The following HCRTR2 variants were observed in gnomAD, a reference collection of about 807,000 sequenced individuals.
HCRTR2 encodes the protein hypocretin receptor 2.
HCRTR2 carries 22 observed loss-of-function variants against 49.0 expected under a neutral mutation model. The observed-to-expected ratio is 0.45, with a 90% CI of 0.32 to 0.64. HCRTR2 has a LOEUF of 0.64. HCRTR2 is among the 30% of genes least tolerant of loss of function. HCRTR2 has a pLI of 0.04. For missense variants in HCRTR2, 491 were observed against 559.4 expected (o/e 0.88, Z 1.23); for synonymous variants, 236 against 205.3 (o/e 1.15, Z -1.28).
chr6:55,253,896 A>G (rs2127316013), intron 2 of HCRTR2, among the ~76,000 whole-genome samples: 1 of 152,238 alleles, frequency 6.6e-6, no homozygotes, highest in Non-Finnish European at 1.5e-5. Flanking sequence ...GGGTGGGAGA[A>G]GGGAGAGGAT....
At chr6:55,203,373 G>C (rs140385128) in intron 1 of HCRTR2, among the ~76,000 whole-genome samples, 270 of 152,094 alleles carry the variant, frequency 1.8e-3, no homozygotes, top group Middle Eastern at 6.8e-3. Context: ...TAGTTTATTT[G>C]CTTTCTATCT....
At chr6:55,127,204 G>A (rs553349392) in intron 1 of HCRTR2, among the ~76,000 whole-genome samples, 2 of 152,142 alleles carry the variant, frequency 1.3e-5, no homozygotes, top group East Asian at 3.9e-4. Flanking sequence ...TGGTGGGGTA[G>A]GCACCAGAAG....
chr6:55,151,655 T>C (rs994017610), intron 1 of HCRTR2, among the ~76,000 whole-genome samples: 1 of 152,000 alleles, frequency 6.6e-6, no homozygotes, highest in Non-Finnish European at 1.5e-5. Flanking sequence ...ATATTTTGGT[T>C]TCCACCCACG....
intron 1 of HCRTR2, among the ~76,000 whole-genome samples, chr6:55,117,802 A>AAAG (rs1764139204): frequency 6.6e-6 from 1 of 150,742 alleles, no homozygotes; most frequent in Non-Finnish European, 1.5e-5. Context: ...AAAAAAAAAA[A>AAAG]AAGGGAACTG....
Position 55,282,308 on chromosome 6 carries a change from G to A in HCRTR2, c.1189G>A (p.Gly397Arg), listed in dbSNP as rs748396643. Residue 397 changes from glycine (G) to arginine (R), a missense_variant, in exon 7 of 7, where the codon GGA becomes AGA. By Grantham distance (125) the Gly-to-Arg change is moderately radical (BLOSUM62 -2). Transcript: ENST00000370862. Reference sequence around the variant, plus strand: ...TCGCCAGGAGGATCGGCTCACCAGGGGACGAACTAGCACAGAGAGCCGGAA... The same window carrying A: ...TCGCCAGGAGGATCGGCTCACCAGGAGACGAACTAGCACAGAGAGCCGGAA... ...HHRQEDRLTR[G>R]RTSTESRKSL... 4 of 1,613,646 alleles carry A rather than the reference G, an allele frequency of 2.5e-6. No individual in the cohort carries two copies. Among genetic ancestry groups the A allele is most frequent in the Non-Finnish European group, 3.4e-6 (4 of 1,179,888 alleles).
chr6:55,276,403 A>G (rs1767077675), intron 4 of HCRTR2, among the ~76,000 whole-genome samples: 1 of 152,214 alleles, frequency 6.6e-6, no homozygotes, highest in Non-Finnish European at 1.5e-5. Flanking sequence ...AATCTATCGA[A>G]CATCTATTCT....
chr6:55,193,411 G>A (rs551776467), intron 1 of HCRTR2, among the ~76,000 whole-genome samples: 5 of 152,230 alleles, frequency 3.3e-5, no homozygotes, highest in South Asian at 4.1e-4. Flanking sequence ...AGAAAAAGCC[G>A]ACAGTGTTGC....
chr6:55,238,676 GGA>G (rs1766261522), intron 1 of HCRTR2, among the ~76,000 whole-genome samples: 1 of 152,120 alleles, frequency 6.6e-6, no homozygotes, highest in Non-Finnish European at 1.5e-5. Context: ...ATGCAAAGTA[GGA>G]GAGAGAGCCA....
chr6:55,193,140 A>G (rs1765349832), intron 1 of HCRTR2, among the ~76,000 whole-genome samples: 1 of 152,196 alleles, frequency 6.6e-6, no homozygotes, highest in Non-Finnish European at 1.5e-5. Flanking sequence ...AAAGTCTATT[A>G]ATTGGCAAGC....
chr6:55,225,215 G>A (rs1028984286), intron 1 of HCRTR2, among the ~76,000 whole-genome samples: 1 of 152,046 alleles, frequency 6.6e-6, no homozygotes, highest in African/African-American at 2.4e-5. Flanking sequence ...TATTTATAGT[G>A]TTTATTATTG....
At chr6:55,253,032 G>C (rs1383931151) in intron 2 of HCRTR2, among the ~76,000 whole-genome samples, 3 of 151,944 alleles carry the variant, frequency 2.0e-5, no homozygotes, top group Admixed American at 6.6e-5. Context: ...GGAATGGAGA[G>C]GTTAAATAAT....
chr6:55,168,164 C>T (rs560097816), intron 1 of HCRTR2, among the ~76,000 whole-genome samples: 7 of 152,202 alleles, frequency 4.6e-5, no homozygotes, highest in African/African-American at 1.7e-4. Context: ...AACATTTATG[C>T]CCTTAGGAGA....
At chr6:55,203,509 G>A (rs1479376431) in intron 1 of HCRTR2, among the ~76,000 whole-genome samples, 3 of 152,146 alleles carry the variant, frequency 2.0e-5, no homozygotes. Context: ...ATAAGAACAA[G>A]TAGTAAGTAA....
At chr6:55,255,456 A>C in intron 3 of HCRTR2, 77 bp downstream of exon 3, 1 of 1,512,400 alleles carries the variant, frequency 6.6e-7, no homozygotes, top group Non-Finnish European at 9.2e-7. Context: ...TAGCCATTGT[A>C]AAGCTGGGCT....
intron 1 of HCRTR2, among the ~76,000 whole-genome samples, chr6:55,197,077 C>T (rs1765429224): frequency 6.6e-6 from 1 of 152,174 alleles, no homozygotes; most frequent in Non-Finnish European, 1.5e-5. Context: ...CCCATCTGCC[C>T]CTTTTACCCT....
intron 1 of HCRTR2, among the ~76,000 whole-genome samples, chr6:55,122,171 T>A (rs1161955699): frequency 3.9e-5 from 6 of 152,208 alleles, no homozygotes; most frequent in Non-Finnish European, 7.3e-5. Context: ...GAGATTCAAC[T>A]TCTTCCTGGT....
At position 55,251,353 on chromosome 6, in the gene HCRTR2, C is replaced by T. The variant is rs141861539; in HGVS notation, c.402+2536C>T. Among the ~76,000 whole-genome samples the T allele has an allele frequency of 8.7e-4, 132 of 152,238 alleles. 1 individual carries two copies. In the East Asian group the frequency reaches 0.023, roughly 27 times the overall value. On this transcript the variant is annotated intron_variant, in intron 2 of 6. Transcript: ENST00000370862. ...ATGCACAAAAATCTCAAAAGTCTCA[C>T]AAATGTTATAAAGCTTAGCTGAATA...
chr6:55,181,019 G>GCC, intron 1 of HCRTR2, among the ~76,000 whole-genome samples: 1 of 151,334 alleles, frequency 6.6e-6, no homozygotes, highest in Non-Finnish European at 1.5e-5. Context: ...TCTTGGCTAG[G>GCC]CTGGTCTTGA....
intron 1 of HCRTR2, among the ~76,000 whole-genome samples, chr6:55,183,923 T>C (rs1765174265): frequency 6.6e-6 from 1 of 152,056 alleles, no homozygotes; most frequent in East Asian, 1.9e-4. Context: ...GCAATTTCTC[T>C]TTTTCTTTTT....
Sources: allele counts gnomAD v4.1 joint callset (sites outside exome capture counted in the v4.1 genomes callset), GRCh38; gene constraint gnomAD v4.1.1; transcripts MANE v1.5; gene names NCBI Gene and HGNC (gene_info 2026-07-23, HGNC 2026-07-21).